THADA: variants seen among roughly 807,000 people sequenced by gnomAD.
The protein encoded by THADA is THADA armadillo repeat containing, also known as tRNA (32-2'-O)-methyltransferase regulator THADA.
In THADA, 213 loss-of-function variants were observed where a neutral mutation model predicts 219.8. That is an observed-to-expected ratio of 0.97 (90% confidence interval 0.87 to 1.09). The LOEUF is 1.09. Ranked by LOEUF, THADA falls within the 50% of genes least tolerant of loss-of-function variation. THADA has a pLI of 0.00. For missense variants in THADA, 2,956 were observed against 2,311.3 expected, an observed-to-expected ratio of 1.28 and a Z score of -5.72; for synonymous variants, 1,018 against 828.9, an observed-to-expected ratio of 1.23 and a Z score of -3.92.
intron 26 of THADA, among the ~76,000 whole-genome samples, chr2:43,457,133 TACACACACACACACACACACAC>T (rs35803641): frequency 4.8e-5 from 6 of 126,148 alleles, no homozygotes; most frequent in Admixed American, 1.6e-4. Context: ...TTAGGATATC[TACACACACACACACACACACAC>T]ACACACACAC....
intron 36 of THADA, among the ~76,000 whole-genome samples, chr2:43,237,896 T>A (rs1407188852): frequency 6.7e-6 from 1 of 149,172 alleles, no homozygotes; most frequent in Non-Finnish European, 1.5e-5. Context: ...GGTGGGTGGA[T>A]CACCTGAGGT....
chr2:43,297,979 G>A (rs1428221638), intron 31 of THADA, among the ~76,000 whole-genome samples: 2 of 18,464 alleles, frequency 1.1e-4, no homozygotes, highest in African/African-American at 5.3e-4. Flanking sequence ...CCGGCCAGCC[G>A]CCCCGTCCGG....
intron 26 of THADA, among the ~76,000 whole-genome samples, chr2:43,446,298 G>A (rs140848857): frequency 1.3e-5 from 2 of 152,240 alleles, no homozygotes; most frequent in African/African-American, 4.8e-5. Context: ...TCCTTCCTTC[G>A]AAGAAGTGGG....
chr2:43,282,779 A>C (rs1673514525), intron 35 of THADA, among the ~76,000 whole-genome samples: 1 of 152,188 alleles, frequency 6.6e-6, no homozygotes, highest in Non-Finnish European at 1.5e-5. Flanking sequence ...ATTCCTTAGG[A>C]TATTCTCAAG....
In THADA at chr2:43,279,898, T is replaced by C; in HGVS notation, c.5165-2A>G. The C allele has an allele frequency of 1.3e-6, 2 of 1,515,926 alleles. No individual in the cohort carries two copies. Among genetic ancestry groups the C allele is most frequent in the Middle Eastern group, 1.7e-4 (1 of 5,830 alleles). The allele number at this position is 1,515,926 out of a possible 1,614,324, so 93.9% of individuals were successfully genotyped here. A position where few individuals can be genotyped will look rare whatever the true frequency, so the allele number is the denominator to read the frequency against. ...AGAGAGCAAGTGTATCCTGCAACTC[T>C]AAGAAGACCAAAAGGAATCTGAATT... On this transcript the variant is annotated splice_acceptor_variant, in intron 35 of 37. Transcript: ENST00000405975. LOFTEE classifies it high-confidence loss of function.
rs771119860 is a variant in THADA at position 43,586,434 on chromosome 2, T to G, written c.500A>C (p.Gln167Pro). The change falls in exon 7 of 38, where the codon CAG becomes CCG. Residue 167 changes from glutamine (Q) to proline (P), a missense_variant. By Grantham distance (76) the Gln-to-Pro change is moderately conservative (BLOSUM62 -1). Coordinates refer to ENST00000405975, the MANE Select transcript of THADA (RefSeq NM_022065.5). ...TTCCAGGATTTCAATTAAACTCTTC[T>G]GCAGAAAATGAAGCACTGAAACAAA... ...NLLKNVLHFL[Q>P]KSLIEILEEN... 6 of 1,580,210 alleles carry G rather than the reference T, an allele frequency of 3.8e-6. No individual in the cohort carries two copies. Among genetic ancestry groups the G allele is most frequent in the Non-Finnish European group, 5.2e-6 (6 of 1,163,916 alleles).
intron 18 of THADA, 30 bp downstream of exon 18, chr2:43,552,174 G>T: frequency 6.3e-7 from 1 of 1,591,966 alleles, no homozygotes; most frequent in South Asian, 1.2e-5. Context: ...ATGGATTTCT[G>T]AGACAGGAGG....
chr2:43,344,839 T>C (rs889878214), intron 29 of THADA, among the ~76,000 whole-genome samples: 5 of 152,112 alleles, frequency 3.3e-5, no homozygotes, highest in African/African-American at 9.7e-5. Flanking sequence ...GCCCCACTTA[T>C]ACAAGGATAC....
At chr2:43,358,671 C>T (rs543450095) in intron 29 of THADA, among the ~76,000 whole-genome samples, 29 of 152,138 alleles carry the variant, frequency 1.9e-4, no homozygotes, top group East Asian at 3.8e-4. Context: ...TGGTAATGCA[C>T]GTTACTCTGA....
intron 28 of THADA, among the ~76,000 whole-genome samples, chr2:43,411,032 C>T (rs1373541659): frequency 6.6e-6 from 1 of 152,294 alleles, no homozygotes; most frequent in Middle Eastern, 3.4e-3. Flanking sequence ...ACTTTTACAA[C>T]CAGAATTAAT....
At chr2:43,387,637 A>G (rs556261752) in intron 29 of THADA, among the ~76,000 whole-genome samples, 1 of 152,264 alleles carries the variant, frequency 6.6e-6, no homozygotes, top group East Asian at 1.9e-4. Context: ...GTTCTCAACT[A>G]GGGGCAATTT....
chr2:43,510,885 C>G (rs139339863), intron 22 of THADA, among the ~76,000 whole-genome samples: 1 of 151,630 alleles, frequency 6.6e-6, no homozygotes, highest in Non-Finnish European at 1.5e-5. Flanking sequence ...GCAGGAGAAT[C>G]GCTTGAACTC....
At chr2:43,314,738 A>C (rs1429377992) in intron 31 of THADA, among the ~76,000 whole-genome samples, 6 of 152,098 alleles carry the variant, frequency 3.9e-5, no homozygotes, top group Non-Finnish European at 7.4e-5. Flanking sequence ...GGACACTATA[A>C]TTTTCTTTCC....
intron 12 of THADA, 34 bp from the exon 13 acceptor site, chr2:43,571,896 C>T: frequency 4.4e-6 from 7 of 1,602,206 alleles, no homozygotes; most frequent in Non-Finnish European, 6.0e-6. Context: ...TGTTAATTTT[C>T]CAAGAAATAA....
chr2:43,445,606 G>A (rs1681423768), intron 26 of THADA, among the ~76,000 whole-genome samples: 1 of 152,204 alleles, frequency 6.6e-6, no homozygotes. Flanking sequence ...GACTGATCAG[G>A]GCTCCAACCA....
intron 29 of THADA, among the ~76,000 whole-genome samples, chr2:43,381,181 C>A (rs1453884344): frequency 2.0e-5 from 3 of 150,910 alleles, no homozygotes; most frequent in African/African-American, 7.3e-5. Context: ...AGGAGCCAAC[C>A]TGAAAGAGCT....
At chr2:43,556,581 C>T in intron 16 of THADA, 26 bp from the exon 17 acceptor site, 1 of 1,590,846 alleles carries the variant, frequency 6.3e-7, no homozygotes, top group Middle Eastern at 1.7e-4. Flanking sequence ...GACTCAGTAA[C>T]TGTCAAATTA....
At chr2:43,462,267 A>G (rs1683724828) in intron 26 of THADA, among the ~76,000 whole-genome samples, 1 of 152,126 alleles carries the variant, frequency 6.6e-6, no homozygotes, top group African/African-American at 2.4e-5. Flanking sequence ...TTCCACAGAA[A>G]CTCTAAGATT....
chr2:43,556,169 A>G, intron 17 of THADA, 176 bp downstream of exon 17: 4 of 1,289,274 alleles, frequency 3.1e-6, no homozygotes, highest in Non-Finnish European at 4.1e-6. Flanking sequence ...TTTAGAAAAA[A>G]GTATTATAGC....
Sources: allele counts gnomAD v4.1 joint callset (sites outside exome capture counted in the v4.1 genomes callset), GRCh38; gene constraint gnomAD v4.1.1; transcripts MANE v1.5; gene names NCBI Gene and HGNC (gene_info 2026-07-23, HGNC 2026-07-21).